CELF4: variants seen among roughly 807,000 people sequenced by gnomAD.
CELF4 encodes CUG-BP- and ETR-3-like factor 4.
Under a neutral mutation model 59.9 loss-of-function variants are expected in CELF4, and 18 were observed. The observed-to-expected ratio is 0.30, with a 90% CI of 0.21 to 0.45. The LOEUF is 0.45. Among genes scored for constraint, CELF4 ranks in the 20% least tolerant of loss-of-function variants. CELF4 has a pLI of 1.00. For synonymous variants in CELF4, 261 were observed against 267.1 expected, an observed-to-expected ratio of 0.98 and a Z score of 0.22; for missense variants, 456 against 689.0, an observed-to-expected ratio of 0.66 and a Z score of 3.79.
At chr18:37,532,263 C>T (rs1377149575) in intron 1 of CELF4, among the ~76,000 whole-genome samples, 4 of 152,240 alleles carry the variant, frequency 2.6e-5, no homozygotes, top group East Asian at 1.9e-4. Flanking sequence ...CCTCAGGAGA[C>T]AGCCTTTCTT....
intron 2 of CELF4, among the ~76,000 whole-genome samples, chr18:37,472,858 G>A (rs751428381): frequency 3.9e-5 from 6 of 152,210 alleles, no homozygotes; most frequent in Admixed American, 1.3e-4. Context: ...ACTGGCTGGG[G>A]CTGAGGACTG....
At chr18:37,366,135 G>A (rs949862149) in intron 2 of CELF4, among the ~76,000 whole-genome samples, 7 of 152,180 alleles carry the variant, frequency 4.6e-5, no homozygotes, top group Non-Finnish European at 1.0e-4. Flanking sequence ...CTACCACCAT[G>A]TTCTTCTCTG....
intron 2 of CELF4, among the ~76,000 whole-genome samples, chr18:37,475,457 G>A (rs914224373): frequency 2.0e-5 from 3 of 152,158 alleles, no homozygotes; most frequent in Admixed American, 6.5e-5. Flanking sequence ...TTAGACTTCC[G>A]GTGCTGTTGA....
chr18:37,299,613 A>C (rs1390520395), intron 3 of CELF4, among the ~76,000 whole-genome samples: 2 of 152,220 alleles, frequency 1.3e-5, no homozygotes, highest in African/African-American at 4.8e-5. Flanking sequence ...CGGCGTGAGC[A>C]CTGCTGCCTC....
At chr18:37,351,613 T>TC (rs199906644) in intron 2 of CELF4, among the ~76,000 whole-genome samples, 50 of 932 alleles carry the variant, frequency 0.054, no homozygotes, top group Non-Finnish European at 0.03. Context: ...TTCTTCTTCT[T>TC]TTTTTTTTTT....
intron 1 of CELF4, among the ~76,000 whole-genome samples, chr18:37,492,676 C>T (rs754874217): frequency 5.3e-5 from 8 of 152,106 alleles, no homozygotes; most frequent in Non-Finnish European, 1.2e-4. Context: ...TTCGAGTACC[C>T]GGCTGGAGTC....
rs1457856485 is a variant in CELF4 at position 37,394,265 on chromosome 18, A to G, written c.370-72384T>C. ...GGGGCGGAGGGCGCGGGCAGCGCAG[A>G]GCAGGGAGAGGGACGCGGGGCGGGA... is the stretch of plus-strand genomic sequence containing the variant. On this transcript the variant is annotated intron_variant, in intron 2 of 12. Transcript: ENST00000420428. Among the ~76,000 whole-genome samples, 5 of 152,200 alleles carry G rather than the reference A, an allele frequency of 3.3e-5. No homozygotes were observed. In the East Asian group the frequency reaches 5.8e-4, roughly 18 times the overall value.
intron 1 of CELF4, among the ~76,000 whole-genome samples, chr18:37,531,382 G>A (rs1158156412): frequency 6.6e-6 from 1 of 152,072 alleles, no homozygotes; most frequent in African/African-American, 2.4e-5. Context: ...GCTCTTTCTC[G>A]ATGCTTCACA....
intron 7 of CELF4, 115 bp downstream of exon 7, chr18:37,272,901 A>G (rs1020284203): frequency 2.2e-5 from 23 of 1,061,928 alleles, no homozygotes; most frequent in African/African-American, 3.2e-5. Context: ...TCTCGGGCCC[A>G]GACACTATGT....
At chr18:37,268,151 G>A (rs1168411066) in intron 8 of CELF4, among the ~76,000 whole-genome samples, 2 of 152,158 alleles carry the variant, frequency 1.3e-5, no homozygotes, top group Admixed American at 6.5e-5. Context: ...AGCAGGATGC[G>A]GCAGGGGAGT....
At chr18:37,377,816 A>G (rs2154567926) in intron 2 of CELF4, among the ~76,000 whole-genome samples, 1 of 152,238 alleles carries the variant, frequency 6.6e-6, no homozygotes, top group South Asian at 2.1e-4. Flanking sequence ...GGCAGGGCTG[A>G]TGCCACTGGA....
At chr18:37,332,493 T>C (rs2097578671) in intron 2 of CELF4, among the ~76,000 whole-genome samples, 1 of 152,076 alleles carries the variant, frequency 6.6e-6, no homozygotes, top group Non-Finnish European at 1.5e-5. Flanking sequence ...TCCTTCTCTC[T>C]GCTCTCCCCA....
chr18:37,422,626 G>T (rs1310621079), intron 2 of CELF4, among the ~76,000 whole-genome samples: 1 of 152,224 alleles, frequency 6.6e-6, no homozygotes, highest in Non-Finnish European at 1.5e-5. Flanking sequence ...CCGAGAAAGA[G>T]CAGGCCAGAG....
intron 2 of CELF4, among the ~76,000 whole-genome samples, chr18:37,334,825 A>G (rs868762735): frequency 9.9e-5 from 15 of 152,252 alleles, no homozygotes; most frequent in Middle Eastern, 3.4e-3. Flanking sequence ...AAGAAAAAAC[A>G]AAGCCCACAC....
intron 2 of CELF4, among the ~76,000 whole-genome samples, chr18:37,468,165 C>T (rs2099813295): frequency 1.3e-5 from 2 of 152,340 alleles, no homozygotes; most frequent in Admixed American, 6.5e-5. Flanking sequence ...GTGACTCGGG[C>T]TGTCAGGGGG....
intron 2 of CELF4, among the ~76,000 whole-genome samples, chr18:37,463,646 C>T (rs1292279047): frequency 6.6e-6 from 1 of 152,116 alleles, no homozygotes; most frequent in African/African-American, 2.4e-5. Flanking sequence ...GACTGCAGTG[C>T]CTTCACCCAG....
intron 7 of CELF4, 79 bp from the exon 8 acceptor site, chr18:37,270,996 T>C (rs569283067): frequency 7.8e-7 from 1 of 1,274,428 alleles, no homozygotes; most frequent in Admixed American, 2.7e-5. Context: ...CCCATAAAGC[T>C]TCACTCAACT....
intron 3 of CELF4, among the ~76,000 whole-genome samples, chr18:37,279,498 G>A (rs191091395): frequency 3.9e-4 from 59 of 152,332 alleles, no homozygotes; most frequent in Admixed American, 3.9e-3. Context: ...GGTTCCTCCT[G>A]GTCAAGGGGC....
intron 3 of CELF4, among the ~76,000 whole-genome samples, chr18:37,300,609 G>A (rs1467235004): frequency 6.6e-6 from 1 of 152,222 alleles, no homozygotes; most frequent in East Asian, 1.9e-4. Flanking sequence ...CTCTGGGCAG[G>A]GCACTGTGCA....
Sources: allele counts gnomAD v4.1 joint callset (sites outside exome capture counted in the v4.1 genomes callset), GRCh38; gene constraint gnomAD v4.1.1; transcripts MANE v1.5; gene names NCBI Gene and HGNC (gene_info 2026-07-23, HGNC 2026-07-21).